The following SLC35F4 variants were observed in gnomAD, a reference collection of about 807,000 sequenced individuals.
SLC35F4 encodes the protein solute carrier family 35 member F4.
A neutral mutation model predicts 44.2 loss-of-function variants in SLC35F4; 24 were observed. The ratio of observed to expected loss-of-function variants is 0.54; its 90% CI spans 0.39 to 0.76. The LOEUF (loss-of-function observed/expected upper bound fraction) is 0.76. SLC35F4 is among the 30% of genes least tolerant of loss of function. The probability of loss-of-function intolerance (pLI) is 0.00; values close to 1 mark genes in which losing one functional copy is unlikely to be tolerated. For synonymous variants in SLC35F4, 238 were observed against 223.6 expected (o/e 1.06, Z -0.57); for missense variants, 562 against 586.1 (o/e 0.96, Z 0.42).
At chr14:57,861,033 C>A (rs1042180396) in intron 1 of SLC35F4, among the ~76,000 whole-genome samples, 1 of 152,216 alleles carries the variant, frequency 6.6e-6, no homozygotes, top group African/African-American at 2.4e-5. Context: ...AATGAGCCAA[C>A]CTACTGGCTG....
At chr14:57,590,955 G>C (rs1002537111) in intron 2 of SLC35F4, among the ~76,000 whole-genome samples, 20 of 152,180 alleles carry the variant, frequency 1.3e-4, no homozygotes, top group African/African-American at 4.8e-4. Flanking sequence ...TATAATCATT[G>C]GGGGAAAGGA....
chr14:57,833,955 C>G (rs566683979), intron 1 of SLC35F4, among the ~76,000 whole-genome samples: 1 of 151,864 alleles, frequency 6.6e-6, no homozygotes, highest in African/African-American at 2.4e-5. Context: ...TCTTTTTGTT[C>G]CCTCTCTTCA....
intron 1 of SLC35F4, among the ~76,000 whole-genome samples, chr14:57,844,741 C>T (rs898853554): frequency 3.3e-5 from 5 of 152,150 alleles, no homozygotes; most frequent in African/African-American, 7.2e-5. Flanking sequence ...AGAATAGCCC[C>T]GCAAGATATC....
At chr14:57,981,525 A>G (rs1370778223) in intron 1 of SLC35F4, among the ~76,000 whole-genome samples, 3 of 152,154 alleles carry the variant, frequency 2.0e-5, no homozygotes, top group African/African-American at 7.2e-5. Flanking sequence ...TTTTAAAATG[A>G]CTTCATTCTC....
intron 1 of SLC35F4, among the ~76,000 whole-genome samples, chr14:57,620,652 T>A (rs2072126633): frequency 6.6e-6 from 1 of 152,170 alleles, no homozygotes; most frequent in African/African-American, 2.4e-5. Flanking sequence ...TGGTATTGGC[T>A]GTGGGTTTGT....
chr14:57,882,179 T>TCC (rs1287890641), intron 1 of SLC35F4, among the ~76,000 whole-genome samples: 2 of 152,078 alleles, frequency 1.3e-5, no homozygotes, highest in African/African-American at 4.8e-5. Context: ...CCTGGATCCA[T>TCC]CCCCCTTCCC....
chr14:57,646,718 T>C (rs935782949), intron 1 of SLC35F4, among the ~76,000 whole-genome samples: 3 of 152,224 alleles, frequency 2.0e-5, no homozygotes, highest in Non-Finnish European at 2.9e-5. Flanking sequence ...GATGTTAGGG[T>C]GTCAAATTTA....
At chr14:57,961,961 A>G (rs891899902) in intron 1 of SLC35F4, among the ~76,000 whole-genome samples, 12 of 152,170 alleles carry the variant, frequency 7.9e-5, no homozygotes, top group Non-Finnish European at 1.5e-4. Flanking sequence ...AGACTGAATT[A>G]CCCAACACCT....
chr14:57,744,256 T>G (rs1211965428), intron 1 of SLC35F4, among the ~76,000 whole-genome samples: 1 of 151,996 alleles, frequency 6.6e-6, no homozygotes, highest in Non-Finnish European at 1.5e-5. Flanking sequence ...AAATAAAGGG[T>G]ATTCAATTAG....
chr14:57,606,859 TTTA>T (rs2071193810), intron 1 of SLC35F4, among the ~76,000 whole-genome samples: 1 of 152,196 alleles, frequency 6.6e-6, no homozygotes, highest in Non-Finnish European at 1.5e-5. Flanking sequence ...CAAAACTCAA[TTTA>T]GAATAAATCA....
intron 1 of SLC35F4, among the ~76,000 whole-genome samples, chr14:57,871,251 C>T (rs1186109356): frequency 6.6e-6 from 1 of 152,112 alleles, no homozygotes; most frequent in Non-Finnish European, 1.5e-5. Context: ...TCAGCAGTGC[C>T]CAGTGGACTG....
intron 1 of SLC35F4, among the ~76,000 whole-genome samples, chr14:57,699,583 T>A (rs1328365308): frequency 6.6e-6 from 1 of 152,162 alleles, no homozygotes; most frequent in African/African-American, 2.4e-5. Context: ...AAATCAAGAT[T>A]TTCCATAGGA....
chr14:57,926,813 C>T lies in SLC35F4; in HGVS notation n.282+55100G>A, dbSNP rs1950291. Among the ~76,000 whole-genome samples, 3,230 of 152,016 alleles carry T rather than the reference C, an allele frequency of 0.021. 393 individuals are homozygous for T. The East Asian group carries it at 0.38, about 18-fold the overall frequency. Reference sequence around the variant, plus strand: ...GTTGAATGACTCACACACCCTTGGCCGACTTGGAGAAGATATCACCAGTGT... The same window carrying T: ...GTTGAATGACTCACACACCCTTGGCTGACTTGGAGAAGATATCACCAGTGT... On this transcript the variant is annotated intron_variant and non_coding_transcript_variant, in intron 1 of 1. Coordinates refer to the SLC35F4 transcript ENST00000556568.
At chr14:57,695,997 G>A (rs564875209) in intron 1 of SLC35F4, among the ~76,000 whole-genome samples, 61 of 152,114 alleles carry the variant, frequency 4.0e-4, no homozygotes, top group African/African-American at 1.5e-3. Flanking sequence ...GAAAACCTAG[G>A]CAATACCATT....
At chr14:57,603,756 A>G (rs142415215) in intron 1 of SLC35F4, among the ~76,000 whole-genome samples, 306 of 152,228 alleles carry the variant, frequency 2.0e-3, no homozygotes, top group African/African-American at 7.0e-3. Flanking sequence ...CAGTCAGTAA[A>G]TCTTCATTTT....
intron 1 of SLC35F4, among the ~76,000 whole-genome samples, chr14:57,751,599 C>T (rs1052375418): frequency 2.6e-5 from 4 of 152,224 alleles, no homozygotes; most frequent in African/African-American, 9.6e-5. Context: ...TGCTTCTAGA[C>T]TGTGTTTTTT....
At chr14:57,697,472 G>C (rs552493518) in intron 1 of SLC35F4, among the ~76,000 whole-genome samples, 8 of 152,044 alleles carry the variant, frequency 5.3e-5, no homozygotes, top group Non-Finnish European at 1.0e-4. Context: ...GGCCGAGGCG[G>C]GCAGATTGCT....
chr14:57,791,293 AAAAC>A (rs551865952), intron 1 of SLC35F4, among the ~76,000 whole-genome samples: 40 of 152,334 alleles, frequency 2.6e-4, no homozygotes, highest in African/African-American at 8.9e-4. Context: ...TACAAGAAAA[AAAAC>A]AAACAACCCC....
intron 1 of SLC35F4, among the ~76,000 whole-genome samples, chr14:57,895,584 C>G (rs1463810480): frequency 6.8e-6 from 1 of 147,992 alleles, no homozygotes; most frequent in Non-Finnish European, 1.5e-5. Context: ...CTCTCTCACT[C>G]TCTCTCTCTC....
Sources: gnomAD v4.1 joint callset for allele counts (sites outside exome capture counted in the v4.1 genomes callset) on GRCh38, gnomAD v4.1.1 for gene constraint, MANE v1.5 for transcripts, NCBI Gene and HGNC (gene_info 2026-07-23, HGNC 2026-07-21) for gene names.